The following TBX1 variants were observed in gnomAD, a reference collection of about 807,000 sequenced individuals.
TBX1 encodes T-box transcription factor 1.
A neutral mutation model predicts 40.8 loss-of-function variants in TBX1; 16 were observed. The ratio of observed to expected loss-of-function variants is 0.39; its 90% CI spans 0.27 to 0.60. The LOEUF is 0.60. Among genes scored for constraint, TBX1 ranks in the 20% least tolerant of loss-of-function variants. The pLI is 0.51. For synonymous variants in TBX1, 403 were observed against 336.8 expected (o/e 1.20, Z -2.15); for missense variants, 755 against 728.5 (o/e 1.04, Z -0.42).
chr22:19,765,068 C>T lies in TBX1; in HGVS notation c.822C>T (p.Phe274=), dbSNP rs763559631. Residue 274 remains phenylalanine (F), a synonymous_variant, in exon 4 of 7, where the codon TTC becomes TTT. Transcript: ENST00000649276. ...AGGAGAACTTCAAAACCTTTGTGTT[C>T]GAGGAGACACGATTCACCGCGGTCA... ...YAEENFKTFV[F]EETRFTAVTA... is the part of the protein sequence containing the mutation. The T allele has an allele frequency of 3.7e-6, 6 of 1,614,072 alleles. No homozygotes were observed. Among genetic ancestry groups the T allele is most frequent in the Non-Finnish European group, 2.5e-6 (3 of 1,180,054 alleles).
At chr22:19,759,036 AG>A (rs928263286), upstream of TBX1, among the ~76,000 whole-genome samples, 6 of 151,966 alleles carry the variant, frequency 3.9e-5, no homozygotes, top group African/African-American at 1.4e-4. Flanking sequence ...GGCCAAGGGC[AG>A]GGGCAGGGCT....
upstream of TBX1, among the ~76,000 whole-genome samples, chr22:19,757,387 T>C (rs1343679633): frequency 6.6e-6 from 1 of 152,158 alleles, no homozygotes; most frequent in Non-Finnish European, 1.5e-5. Context: ...GGACCGATCC[T>C]TGAGCGGCTG....
chr22:19,764,099 G>A (rs1368824543), intron 2 of TBX1, 56 bp from the exon 3 acceptor site: 1 of 1,603,594 alleles, frequency 6.2e-7, no homozygotes, highest in African/African-American at 1.3e-5. Context: ...CAGCACACGG[G>A]TCAAGGCCCT....
chr22:19,765,173 T>C, intron 4 of TBX1, 60 bp downstream of exon 4: 9 of 1,612,236 alleles, frequency 5.6e-6, no homozygotes, highest in Non-Finnish European at 7.6e-6. Flanking sequence ...CGGGTGTAAT[T>C]TTCAGTTGCC....
chr22:19,782,838 T>C, downstream of TBX1: 7 of 1,612,866 alleles, frequency 4.3e-6, no homozygotes, highest in Middle Eastern at 1.7e-4. Context: ...ACAAGCCTTA[T>C]TTGATAAAGG....
At chr22:19,765,871 G>A in intron 5 of TBX1, 31 bp from the exon 6 acceptor site, 1 of 1,562,126 alleles carries the variant, frequency 6.4e-7, no homozygotes. Context: ...GCCTGGCGCA[G>A]GCGCCGCCCT....
chr22:19,765,841 C>T lies in TBX1; in HGVS notation c.935+16C>T, dbSNP rs200879129. 7 of 1,595,230 alleles carry T rather than the reference C, an allele frequency of 4.4e-6. No individual in the cohort carries two copies. The Admixed American group carries it at 7.0e-5, about 16-fold the overall frequency. On this transcript the variant is annotated intron_variant, in intron 5 of 6. Coordinates refer to ENST00000649276, the MANE Select transcript of TBX1 (RefSeq NM_001379200.1). ...CTGAGGACTGGTGAGTGTCCTCCCC[C>T]GAGAGAGTGAGCGCCGGGCGCCTGG...
At chr22:19,775,846 G>A (rs1937056709) in intron 8 of TBX1, among the ~76,000 whole-genome samples, 1 of 152,224 alleles carries the variant, frequency 6.6e-6, no homozygotes, top group African/African-American at 2.4e-5. Context: ...GAGGCCGCAT[G>A]GCCTGGAGTG....
rs779040930 is a variant in TBX1 at position 19,767,301 on chromosome 22, G to A, written c.*434G>A. On this transcript the variant is annotated 3_prime_UTR_variant, in exon 7 of 7. Transcript: ENST00000649276. ...TAGATACTGTAGATACCGCCCCGGC[G>A]CCGACTTGATAAACGGTTTCGCCTC... 3.1e-4 allele frequency: 312 copies of A among 993,344 alleles called. No individual in the cohort carries two copies. The highest frequency in any genetic ancestry group is 3.6e-4 in the Non-Finnish European group (297 of 835,414). The allele number at this position is 993,344 out of a possible 1,614,324, so 61.5% of individuals were successfully genotyped here. A position where few individuals can be genotyped will look rare whatever the true frequency, so the allele number is the denominator to read the frequency against.
chr22:19,763,867 C>T (rs1029314776), intron 2 of TBX1, among the ~76,000 whole-genome samples: 5 of 152,140 alleles, frequency 3.3e-5, no homozygotes, highest in Admixed American at 6.5e-5. Context: ...GGCACCGGGG[C>T]GGGAGGACCC....
Position 19,761,296 on chromosome 22 carries a change from C to CAG in TBX1, c.437+16_437+17insAG, listed in dbSNP as rs1401749426. ...AGGCCGGCAGGTCAGGGCGCCCCTC[C>CAG]CCACGCCGCGACCCTCCCCACGTGC... On this transcript the variant is annotated intron_variant, in intron 1 of 6. Transcript: ENST00000649276. The CAG allele has an allele frequency of 6.5e-7, 1 of 1,537,456 alleles. No homozygotes were observed. Among genetic ancestry groups the CAG allele is most frequent in the African/African-American group, 1.4e-5 (1 of 69,546 alleles).
At position 19,766,910 on chromosome 22, in the gene TBX1, G is replaced by T. The variant is rs1377357120; in HGVS notation, c.*43G>T. 6 of 1,569,900 alleles carry T rather than the reference G, an allele frequency of 3.8e-6. No homozygotes were observed. The highest frequency in any genetic ancestry group is 5.1e-6 in the Non-Finnish European group (6 of 1,166,412). ...TCCCGCCCCGGTCCTGCACAGCCCC[G>T]AAGTTCGCCGGGCCCGGCCACCCTG... On this transcript the variant is annotated 3_prime_UTR_variant, in exon 7 of 7. Transcript: ENST00000649276.
chr22:19,756,896 G>C (rs1471319679), upstream of TBX1, among the ~76,000 whole-genome samples: 3 of 150,046 alleles, frequency 2.0e-5, no homozygotes, highest in African/African-American at 4.9e-5. Flanking sequence ...AGGTGAAGAG[G>C]AGTGTGGGCG....
At chr22:19,765,652 G>T in intron 4 of TBX1, 106 bp from the exon 5 acceptor site, 1 of 1,275,652 alleles carries the variant, frequency 7.8e-7, no homozygotes, top group Non-Finnish European at 1.1e-6. Context: ...CAGGGCAGCA[G>T]AAAGGCCCTT....
chr22:19,768,839 G>C (rs1458688554), downstream of TBX1, among the ~76,000 whole-genome samples: 1 of 152,138 alleles, frequency 6.6e-6, no homozygotes, highest in Non-Finnish European at 1.5e-5. Context: ...CAAGGACCCT[G>C]AGTGTGCAGC....
At chr22:19,780,774 C>CTTTT (rs1569032654), downstream of TBX1, among the ~76,000 whole-genome samples, 10 of 109,510 alleles carry the variant, frequency 9.1e-5, no homozygotes, top group African/African-American at 3.2e-4. Flanking sequence ...CACTTGTTTT[C>CTTTT]TGTTTTTTTT....
At chr22:19,774,244 C>T (rs552504598) in intron 8 of TBX1, among the ~76,000 whole-genome samples, 66 of 152,248 alleles carry the variant, frequency 4.3e-4, no homozygotes, top group Non-Finnish European at 3.4e-4. Context: ...AGGAGGACTG[C>T]TTGAAGCCAG....
At chr22:19,771,489 G>A (rs1936989333), downstream of TBX1, among the ~76,000 whole-genome samples, 1 of 152,230 alleles carries the variant, frequency 6.6e-6, no homozygotes, top group African/African-American at 2.4e-5. Flanking sequence ...CCATGTGGGG[G>A]AGAGGCTTAG....
At position 19,765,107 on chromosome 22, in the gene TBX1, C is replaced by T. The variant is rs1236663708; in HGVS notation, c.861C>T (p.Asn287=). 6.2e-7 allele frequency: 1 copy of T among 1,614,074 alleles called. No individual in the cohort carries two copies. The highest frequency in any genetic ancestry group is 8.5e-7 in the Non-Finnish European group (1 of 1,180,036). ...TCACCGCGGTCACTGCCTACCAGAA[C>T]CATCGGGTGAGGGCCTGTGGGGAGG... ...TRFTAVTAYQ[N]HRITQLKIAS... is the part of the protein sequence containing the mutation. Residue 287 remains asparagine, a synonymous_variant, in exon 4 of 7, where the codon AAC becomes AAT. Coordinates refer to ENST00000649276, the MANE Select transcript of TBX1 (RefSeq NM_001379200.1).
Sources: gnomAD v4.1 joint callset for allele counts (sites outside exome capture counted in the v4.1 genomes callset) on GRCh38, gnomAD v4.1.1 for gene constraint, MANE v1.5 for transcripts, NCBI Gene and HGNC (gene_info 2026-07-23, HGNC 2026-07-21) for gene names.